SLC45A4: variants seen among roughly 807,000 people sequenced by gnomAD.
SLC45A4 encodes the protein solute carrier family 45 member 4.
SLC45A4 carries 32 observed loss-of-function variants against 63.7 expected under a neutral mutation model. The observed-to-expected ratio is 0.50, with a 90% CI of 0.38 to 0.67. SLC45A4 has a LOEUF of 0.67. SLC45A4 is among the 30% of genes least tolerant of loss of function. The pLI is 0.00. For synonymous variants in SLC45A4, 535 were observed against 510.0 expected (o/e 1.05, Z -0.66); for missense variants, 1,027 against 1,157.7 (o/e 0.89, Z 1.64).
Position 141,208,158 on chromosome 8 carries a change from T to C in SLC45A4, c.*3414A>G, listed in dbSNP as rs905493994. On this transcript the variant is annotated 3_prime_UTR_variant, in exon 9 of 9. Coordinates refer to ENST00000517878, the MANE Select transcript of SLC45A4 (RefSeq NM_001286646.2). ...AGGTGTCCATCTTTTCTGAAGCCGG[T>C]TAATGTCTAGTGTGGACAGCAATAT... The C allele has an allele frequency of 6.6e-6, 1 of 152,270 alleles. No individual in the cohort carries two copies. The highest frequency in any genetic ancestry group is 2.4e-5 in the African/African-American group (1 of 41,468). 9.4% of individuals were successfully genotyped at this position (152,270 alleles called of 1,614,324 possible).
chr8:141,244,043 T>G (rs1828044512), intron 2 of SLC45A4, among the ~76,000 whole-genome samples: 1 of 152,126 alleles, frequency 6.6e-6, no homozygotes, highest in African/African-American at 2.4e-5. Flanking sequence ...TTGGCACCCC[T>G]AACCTGAGCT....
intron 2 of SLC45A4, among the ~76,000 whole-genome samples, chr8:141,240,695 G>C (rs10110009): frequency 6.6e-6 from 1 of 152,090 alleles, no homozygotes; most frequent in African/African-American, 2.4e-5. Context: ...GCAGTGAGCC[G>C]TGATCGCACA....
chr8:141,290,271 G>C (rs984731686), intron 1 of SLC45A4, among the ~76,000 whole-genome samples: 8 of 151,840 alleles, frequency 5.3e-5, no homozygotes, highest in African/African-American at 1.9e-4. Flanking sequence ...CTGACCCCAG[G>C]CTCCTCTCCA....
intron 2 of SLC45A4, among the ~76,000 whole-genome samples, chr8:141,231,807 CAT>C (rs1347685476): frequency 6.6e-6 from 1 of 152,242 alleles, no homozygotes; most frequent in Admixed American, 6.5e-5. Context: ...GTTACTGCCA[CAT>C]GAGACTGCTC....
In SLC45A4 at chr8:141,207,326, C is replaced by G. The variant is rs1589745854; in HGVS notation, c.*4246G>C. The G allele has an allele frequency of 1.3e-5, 2 of 152,472 alleles. No homozygotes were observed. Among genetic ancestry groups the G allele is most frequent in the African/African-American group, 4.8e-5 (2 of 41,582 alleles). The allele number at this position is 152,472 out of a possible 1,614,324, so 9.4% of individuals were successfully genotyped here. A position where few individuals can be genotyped will look rare whatever the true frequency, so the allele number is the denominator to read the frequency against. On this transcript the variant is annotated 3_prime_UTR_variant, in exon 9 of 9. Transcript: ENST00000517878. ...AGCAGCGCATGCCACAAACATTCACCTGGCAAAGAAACAGAGCAGAACCTA... is the reference window on the plus strand; with the variant it reads ...AGCAGCGCATGCCACAAACATTCACGTGGCAAAGAAACAGAGCAGAACCTA...
rs1828820234 is a variant in SLC45A4, at chr8:141,256,883, T to G, written c.-400-2254A>C. The G allele has an allele frequency of 3.0e-6, 1 of 334,962 alleles. No homozygotes were observed. Among genetic ancestry groups the G allele is most frequent in the African/African-American group, 2.2e-5 (1 of 46,130 alleles). 20.7% of individuals were successfully genotyped at this position (334,962 alleles called of 1,614,324 possible). A position where few individuals can be genotyped will look rare whatever the true frequency, so the allele number is the denominator to read the frequency against. Reference sequence around the variant, plus strand: ...ACTTTTTTTTTTTTTTGAGACAGTCTCGCTCTGTTGCCCAGGCTGGAGTGC... The same window carrying G: ...ACTTTTTTTTTTTTTTGAGACAGTCGCGCTCTGTTGCCCAGGCTGGAGTGC... On this transcript the variant is annotated intron_variant, in intron 1 of 8. Coordinates refer to ENST00000517878, the MANE Select transcript of SLC45A4 (RefSeq NM_001286646.2). The surrounding 1 kb of genome is among the most constrained non-coding windows in gnomAD (Gnocchi z 4.3).
intron 5 of SLC45A4, among the ~76,000 whole-genome samples, chr8:141,217,472 A>C (rs891954344): frequency 6.6e-6 from 1 of 152,214 alleles, no homozygotes; most frequent in African/African-American, 2.4e-5. Flanking sequence ...GGACTTGCAG[A>C]AGTGACGCTC....
chr8:141,215,213 G>A lies in SLC45A4; in HGVS notation c.1941+546C>T, dbSNP rs1826067634. 6.6e-6 allele frequency among the ~76,000 whole-genome samples: 1 copy of A among 152,242 alleles called. No individual in the cohort carries two copies. Among genetic ancestry groups the A allele is most frequent in the Non-Finnish European group, 1.5e-5 (1 of 68,042 alleles). ...AGATAAAGCTCGTCTCATGTGTGATGTGCTGTGATGTAACATACACACAAT... is the reference window on the plus strand; with the variant it reads ...AGATAAAGCTCGTCTCATGTGTGATATGCTGTGATGTAACATACACACAAT... On this transcript the variant is annotated intron_variant, in intron 7 of 8. Transcript: ENST00000517878. The surrounding 1 kb of genome is among the most constrained non-coding windows in gnomAD (Gnocchi z 4.3).
chr8:141,227,212 C>T lies in SLC45A4; in HGVS notation c.242-5447G>A, dbSNP rs927270086. Among the ~76,000 whole-genome samples the T allele has an allele frequency of 2.6e-5, 4 of 152,180 alleles. No individual in the cohort carries two copies. The highest frequency in any genetic ancestry group is 1.3e-4 in the Admixed American group (2 of 15,278). On this transcript the variant is annotated intron_variant, in intron 2 of 8. Coordinates refer to ENST00000517878, the MANE Select transcript of SLC45A4 (RefSeq NM_001286646.2). This position sits in a 1 kb window ranked among gnomAD's most constrained non-coding sequence, Gnocchi z 4.4. ...TCACAGGAAATACTGTGTCACCGCT[C>T]GGCCGCAGGCTGTGTGAGGTCACGG...
At chr8:141,281,630 C>T (rs897560884) in intron 1 of SLC45A4, among the ~76,000 whole-genome samples, 3 of 152,200 alleles carry the variant, frequency 2.0e-5, no homozygotes, top group East Asian at 3.8e-4. Context: ...TGGTTCAATA[C>T]ATGACAGTGT....
intron 2 of SLC45A4, among the ~76,000 whole-genome samples, chr8:141,222,663 C>G (rs987806900): frequency 6.6e-6 from 1 of 152,230 alleles, no homozygotes; most frequent in South Asian, 2.1e-4. Flanking sequence ...CACCACAGCA[C>G]GGGAACGAGC....
In SLC45A4 at chr8:141,218,070, C is replaced by A. The variant is rs758641997; in HGVS notation, c.1570G>T (p.Ala524Ser). ...CHLLTWFSVI[A>S]EAVFYTDFMG... ...AAGTCGGTGTAGAACACGGCCTCGG[C>A]GATGACAGAGAACCAGGTGAGGAGG... is the stretch of plus-strand genomic sequence containing the variant. The change falls in exon 5 of 9, where the codon GCC (alanine) becomes TCC (serine). Residue 524 changes from alanine to serine, a missense_variant. Ala to Ser is a moderately conservative substitution (Grantham distance 99). Coordinates refer to ENST00000517878, the MANE Select transcript of SLC45A4 (RefSeq NM_001286646.2). 4 of 1,612,722 alleles carry A rather than the reference C, an allele frequency of 2.5e-6. No individual in the cohort carries two copies. The highest frequency in any genetic ancestry group is 3.4e-6 in the Non-Finnish European group (4 of 1,179,938).
chr8:141,298,032 C>G (rs1451967845), intron 1 of SLC45A4, among the ~76,000 whole-genome samples: 1 of 154 alleles, frequency 6.5e-3, no homozygotes, highest in African/African-American at 0.056. Flanking sequence ...GGAGGCCCAC[C>G]TGCTGTGCGA....
At position 141,208,866 on chromosome 8, in the gene SLC45A4, T is replaced by A. The variant is rs1171216790; in HGVS notation, c.*2706A>T. On this transcript the variant is annotated 3_prime_UTR_variant, in exon 9 of 9. Coordinates refer to ENST00000517878, the MANE Select transcript of SLC45A4 (RefSeq NM_001286646.2). ...TAAAAGAGTCTTTACTTAGCTGACT[T>A]GTATAGGGAACAAAACCACCACAAA... The A allele has an allele frequency of 2.0e-5, 3 of 152,284 alleles. No homozygotes were observed. The highest frequency in any genetic ancestry group is 6.5e-5 in the Admixed American group (1 of 15,288). The allele number at this position is 152,284 out of a possible 1,614,324, so 9.4% of individuals were successfully genotyped here.
chr8:141,295,389 C>A (rs1489361045), intron 1 of SLC45A4, among the ~76,000 whole-genome samples: 1 of 152,256 alleles, frequency 6.6e-6, no homozygotes, highest in Non-Finnish European at 1.5e-5. Context: ...CCGCCACCTT[C>A]AAGTTAGGCT....
chr8:141,226,102 C>T (rs551686163), intron 2 of SLC45A4: 1 of 152,450 alleles, frequency 6.6e-6, no homozygotes, highest in South Asian at 2.1e-4. Flanking sequence ...TTGGACCGTT[C>T]CTCATGGCCT....
At chr8:141,282,970 CCTG>C (rs1830010111) in intron 1 of SLC45A4, among the ~76,000 whole-genome samples, 1 of 152,256 alleles carries the variant, frequency 6.6e-6, no homozygotes, top group Non-Finnish European at 1.5e-5. Flanking sequence ...CGTGCACAGA[CCTG>C]CGGCAAAGCT....
chr8:141,273,503 T>A (rs751794137), intron 1 of SLC45A4, among the ~76,000 whole-genome samples: 4 of 152,084 alleles, frequency 2.6e-5, no homozygotes, highest in Admixed American at 6.5e-5. Flanking sequence ...ACAAACAAAC[T>A]GAGTCTGTCA....
chr8:141,238,710 T>G (rs1226148570), intron 2 of SLC45A4, among the ~76,000 whole-genome samples: 1 of 152,174 alleles, frequency 6.6e-6, no homozygotes, highest in African/African-American at 2.4e-5. Flanking sequence ...ACCTGCTCAC[T>G]TTGTAACTCT....
Sources: gnomAD v4.1 joint callset for allele counts (sites outside exome capture counted in the v4.1 genomes callset) on GRCh38, gnomAD v4.1.1 for gene constraint, Gnocchi (gnomAD v3.1) non-coding constraint, MANE v1.5 for transcripts, NCBI Gene and HGNC (gene_info 2026-07-23, HGNC 2026-07-21) for gene names.